The following SHQ1 variants were observed in gnomAD, a reference collection of about 807,000 sequenced individuals.
SHQ1 encodes protein SHQ1 homolog.
In SHQ1, 49 loss-of-function variants were observed where a neutral mutation model predicts 53.8. The ratio of observed to expected loss-of-function variants is 0.91; its 90% CI spans 0.72 to 1.16. SHQ1 has a LOEUF of 1.16. Ranked by LOEUF, SHQ1 falls within the 50% of genes most tolerant of loss-of-function variation. The probability of loss-of-function intolerance (pLI) is 0.00; values close to 1 mark genes in which losing one functional copy is unlikely to be tolerated. For missense variants in SHQ1, 738 were observed against 683.1 expected (o/e 1.08, Z -0.90); for synonymous variants, 243 against 251.0 (o/e 0.97, Z 0.30).
intron 9 of SHQ1, chr3:72,793,661 T>A (rs1196727348): frequency 2.6e-5 from 4 of 152,188 alleles, no homozygotes; most frequent in African/African-American, 9.6e-5. Flanking sequence ...TCTAAATGCA[T>A]CATAATTTTT....
chr3:72,784,038 A>G (rs1217105835), intron 10 of SHQ1, among the ~76,000 whole-genome samples: 1 of 152,104 alleles, frequency 6.6e-6, no homozygotes, highest in Non-Finnish European at 1.5e-5. Flanking sequence ...CCAATATAAG[A>G]GGTTAACAGA....
intron 9 of SHQ1, among the ~76,000 whole-genome samples, chr3:72,809,153 G>A (rs915789853): frequency 6.6e-6 from 1 of 152,094 alleles, no homozygotes; most frequent in Non-Finnish European, 1.5e-5. Flanking sequence ...GAGCAACATG[G>A]GGTGGCCAAG....
chr3:72,832,273 C>T (rs1371976216), intron 5 of SHQ1, 96 bp downstream of exon 5: 19 of 844,926 alleles, frequency 2.2e-5, no homozygotes, highest in East Asian at 7.5e-5. Context: ...TTCTGGAATC[C>T]GAAATGCACA....
At chr3:72,727,311 G>A in the SHQ1 span, among the ~76,000 whole-genome samples, 21 of 152,064 alleles carry the variant, frequency 1.4e-4, no homozygotes, top group Admixed American at 1.2e-3. Context: ...CACCCCATGC[G>A]GCTGCCCCCT....
At chr3:72,744,179 G>A in the SHQ1 span, among the ~76,000 whole-genome samples, 4 of 152,158 alleles carry the variant, frequency 2.6e-5, no homozygotes, top group Non-Finnish European at 5.9e-5. Flanking sequence ...AGACCAAGCC[G>A]GGCTCACAAG....
At chr3:72,830,721 A>C (rs1292254344) in intron 5 of SHQ1, among the ~76,000 whole-genome samples, 1 of 152,192 alleles carries the variant, frequency 6.6e-6, no homozygotes, top group African/African-American at 2.4e-5. Context: ...TTAGCCCATA[A>C]CTAAATTTAA....
the SHQ1 span, among the ~76,000 whole-genome samples, chr3:72,728,897 C>T: frequency 5.3e-5 from 8 of 152,322 alleles, no homozygotes; most frequent in African/African-American, 9.6e-5. Context: ...GGCTCCTTGA[C>T]GCTCAGAACC....
intron 8 of SHQ1, 152 bp from the exon 9 acceptor site, chr3:72,812,946 G>T: frequency 1.3e-6 from 1 of 798,212 alleles, no homozygotes; most frequent in Non-Finnish European, 1.9e-6. Flanking sequence ...CATGAAATAA[G>T]ATTCTTTTTG....
intron 1 of SHQ1, chr3:72,846,121 C>G: frequency 1.6e-6 from 2 of 1,262,764 alleles, no homozygotes; most frequent in Non-Finnish European, 2.2e-6. Context: ...GGTGAGCATT[C>G]AGAAAATGTG....
chr3:72,739,752 AG>A, the SHQ1 span, among the ~76,000 whole-genome samples: 1 of 152,232 alleles, frequency 6.6e-6, no homozygotes, highest in Non-Finnish European at 1.5e-5. Context: ...ATGTCTGTGA[AG>A]GAAGAATAAA....
intron 10 of SHQ1, among the ~76,000 whole-genome samples, chr3:72,755,166 A>G (rs1430184908): frequency 6.6e-6 from 1 of 152,170 alleles, no homozygotes; most frequent in African/African-American, 2.4e-5. Flanking sequence ...GCTGATGCGA[A>G]CTTTTATCCT....
At chr3:72,837,698 T>A (rs1708042611) in intron 4 of SHQ1, among the ~76,000 whole-genome samples, 2 of 152,202 alleles carry the variant, frequency 1.3e-5, no homozygotes, top group Non-Finnish European at 2.9e-5. Flanking sequence ...TGTTCTAAAA[T>A]CTCTTATTTG....
intron 9 of SHQ1, among the ~76,000 whole-genome samples, chr3:72,811,892 C>G (rs1449337332): frequency 1.3e-5 from 2 of 152,068 alleles, no homozygotes; most frequent in Non-Finnish European, 1.5e-5. Flanking sequence ...ATGAGTCTCC[C>G]CAGGGGGAGA....
chr3:72,790,263 T>C (rs572555595), intron 10 of SHQ1, among the ~76,000 whole-genome samples: 9 of 152,334 alleles, frequency 5.9e-5, no homozygotes, highest in Non-Finnish European at 8.8e-5. Context: ...GAAGTAACAA[T>C]AGATGTTGTT....
At chr3:72,763,346 G>A (rs1373837439) in intron 10 of SHQ1, among the ~76,000 whole-genome samples, 2 of 152,186 alleles carry the variant, frequency 1.3e-5, no homozygotes, top group East Asian at 1.9e-4. Context: ...GGCAAATAGT[G>A]TTGTTTAATG....
chr3:72,837,080 C>T (rs1384942035), intron 4 of SHQ1, among the ~76,000 whole-genome samples: 1 of 152,152 alleles, frequency 6.6e-6, no homozygotes, highest in Non-Finnish European at 1.5e-5. Flanking sequence ...TGGGTTGGCG[C>T]CCAGAGACTC....
At chr3:72,843,059 A>G (rs1209365306) in intron 2 of SHQ1, among the ~76,000 whole-genome samples, 2 of 151,786 alleles carry the variant, frequency 1.3e-5, no homozygotes, top group Non-Finnish European at 2.9e-5. Context: ...CCTGGGCAAC[A>G]GAGCGAGATT....
intron 10 of SHQ1, among the ~76,000 whole-genome samples, chr3:72,751,474 A>G (rs1380523925): frequency 1.9e-5 from 2 of 106,128 alleles, no homozygotes; most frequent in South Asian, 2.6e-4. Flanking sequence ...TAATAAGCAC[A>G]TATGTGTGTG....
chr3:72,790,338 G>T (rs1706396392), intron 10 of SHQ1, among the ~76,000 whole-genome samples: 1 of 152,180 alleles, frequency 6.6e-6, no homozygotes. Flanking sequence ...TTTTGCCAAA[G>T]CATATATCTG....
Sources: allele counts gnomAD v4.1 joint callset (sites outside exome capture counted in the v4.1 genomes callset), GRCh38; gene constraint gnomAD v4.1.1; transcripts MANE v1.5; gene names NCBI Gene and HGNC (gene_info 2026-07-23, HGNC 2026-07-21).